The following TC2N variants were observed in gnomAD, a reference collection of about 807,000 sequenced individuals.
TC2N encodes tandem C2 domains, nuclear.
Under a neutral mutation model 61.9 loss-of-function variants are expected in TC2N, and 51 were observed. The observed-to-expected ratio is 0.82, with a 90% CI of 0.66 to 1.04. TC2N has a LOEUF of 1.04. Among genes scored for constraint, TC2N ranks in the 50% least tolerant of loss-of-function variants. The pLI is 0.00. For missense variants in TC2N, 556 were observed against 566.7 expected (o/e 0.98, Z 0.19); for synonymous variants, 204 against 192.6 (o/e 1.06, Z -0.49).
intron 1 of TC2N, among the ~76,000 whole-genome samples, chr14:91,843,610 G>A (rs780240087): frequency 1.6e-4 from 24 of 152,322 alleles, no homozygotes; most frequent in Admixed American, 5.2e-4. Context: ...CCTATCATTT[G>A]TAACTTCTGC....
In TC2N at chr14:91,813,686, G is replaced by A. The variant is rs765031302; in HGVS notation, c.67+17C>T. 3.8e-6 allele frequency: 6 copies of A among 1,558,792 alleles called. No individual in the cohort carries two copies. The highest frequency in any genetic ancestry group is 5.3e-6 in the Non-Finnish European group (6 of 1,131,688). On this transcript the variant is annotated intron_variant, in intron 2 of 11. Transcript: ENST00000435962. ...AAGATGCTACATAAATGTTACTGAA[G>A]TCAAAATAAAACTCACAGTTGTGTT...
At chr14:91,830,363 C>CA (rs1411821938) in intron 1 of TC2N, among the ~76,000 whole-genome samples, 1 of 152,148 alleles carries the variant, frequency 6.6e-6, no homozygotes, top group African/African-American at 2.4e-5. Flanking sequence ...GAATACTATT[C>CA]AACCATAAAA....
In TC2N at chr14:91,848,978, C is replaced by T. The variant is rs1403470231; in HGVS notation, c.-57+18284G>A. Among the ~76,000 whole-genome samples, 4 of 152,310 alleles carry T rather than the reference C, an allele frequency of 2.6e-5. No homozygotes were observed. The East Asian group carries it at 5.8e-4, about 22-fold the overall frequency. On this transcript the variant is annotated intron_variant, in intron 1 of 11. Transcript: ENST00000435962. The stretch of plus-strand genomic sequence containing the variant: ...AAGTAATGAGGATTCCTTAGTTTTA[C>T]TACGTGGCTTTTTCCTGTTTCTACC...
At chr14:91,828,417 GACAATATTGAAGA>G (rs1191996988) in intron 1 of TC2N, among the ~76,000 whole-genome samples, 5 of 151,738 alleles carry the variant, frequency 3.3e-5, no homozygotes, top group Admixed American at 2.0e-4. Context: ...ATCTCTAAAA[GACAATATTGAAGA>G]ACATCTAATA....
At chr14:91,808,114 T>C (rs963534771) in intron 3 of TC2N, among the ~76,000 whole-genome samples, 1 of 152,200 alleles carries the variant, frequency 6.6e-6, no homozygotes. Context: ...TGTGATTCCA[T>C]TAAACCTCTT....
intron 1 of TC2N, among the ~76,000 whole-genome samples, chr14:91,817,075 T>C (rs1178880168): frequency 6.6e-6 from 1 of 151,998 alleles, no homozygotes; most frequent in Non-Finnish European, 1.5e-5. Context: ...ATCAGGATCA[T>C]ATTAAACTTC....
intron 1 of TC2N, among the ~76,000 whole-genome samples, chr14:91,816,870 G>A (rs1412683082): frequency 6.6e-6 from 1 of 151,604 alleles, no homozygotes; most frequent in Non-Finnish European, 1.5e-5. Flanking sequence ...CTCTTCAATT[G>A]TTCTGTCTAT....
intron 4 of TC2N, among the ~76,000 whole-genome samples, chr14:91,801,063 CAT>C (rs200036918): frequency 1.3e-3 from 189 of 146,346 alleles, no homozygotes; most frequent in African/African-American, 4.6e-3. Context: ...TATACACATA[CAT>C]ATATATGTGT....
chr14:91,824,163 T>G (rs1887388155), intron 1 of TC2N, among the ~76,000 whole-genome samples: 1 of 152,164 alleles, frequency 6.6e-6, no homozygotes, highest in Non-Finnish European at 1.5e-5. Flanking sequence ...ACTTAAATAC[T>G]TCCATATCAA....
intron 1 of TC2N, among the ~76,000 whole-genome samples, chr14:91,817,305 AT>A (rs955352891): frequency 6.6e-6 from 1 of 151,758 alleles, no homozygotes; most frequent in African/African-American, 2.4e-5. Context: ...GACTATTTCC[AT>A]TTTTAAAATG....
intron 9 of TC2N, among the ~76,000 whole-genome samples, chr14:91,788,437 A>G (rs558784442): frequency 9.2e-5 from 14 of 152,328 alleles, no homozygotes; most frequent in African/African-American, 3.4e-4. Context: ...CATGTTGAAA[A>G]GAGTAAGAAT....
intron 1 of TC2N, among the ~76,000 whole-genome samples, chr14:91,822,216 T>G (rs1887287128): frequency 6.6e-6 from 1 of 152,188 alleles, no homozygotes; most frequent in African/African-American, 2.4e-5. Flanking sequence ...ATAGCAAATC[T>G]ATTCAAAATA....
At position 91,796,333 on chromosome 14, in the gene TC2N, T is replaced by C. The variant is rs543475651; in HGVS notation, c.855+1452A>G. 2.0e-5 allele frequency among the ~76,000 whole-genome samples: 3 copies of C among 152,182 alleles called. No individual in the cohort carries two copies. The South Asian group carries it at 6.2e-4, about 32-fold the overall frequency. The stretch of plus-strand genomic sequence containing the variant: ...ACACAACCCAATTTTGATCATTGTC[T>C]TTTTCATTTATTAAAAATGTTTTTC... On this transcript the variant is annotated intron_variant, in intron 8 of 11. Coordinates refer to ENST00000435962, the MANE Select transcript of TC2N (RefSeq NM_001128596.3).
chr14:91,798,985 T>C lies in TC2N; in HGVS notation c.637+4A>G. Reference sequence around the variant, plus strand: ...GTATAAAAGTAGGATACTTTATTCCTTACCCAGGCTTCTGTTACTCCCCTG... The same window carrying C: ...GTATAAAAGTAGGATACTTTATTCCCTACCCAGGCTTCTGTTACTCCCCTG... On this transcript the variant is annotated splice_donor_region_variant and intron_variant, in intron 6 of 11. Coordinates refer to ENST00000435962, the MANE Select transcript of TC2N (RefSeq NM_001128596.3). 6.3e-7 allele frequency: 1 copy of C among 1,585,028 alleles called. No homozygotes were observed. The highest frequency in any genetic ancestry group is 8.6e-7 in the Non-Finnish European group (1 of 1,159,284).
At chr14:91,792,797 T>C (rs1026338346) in intron 8 of TC2N, among the ~76,000 whole-genome samples, 2 of 152,192 alleles carry the variant, frequency 1.3e-5, no homozygotes, top group African/African-American at 2.4e-5. Context: ...TCAGGTCATA[T>C]TAACACCATG....
At chr14:91,830,408 T>C (rs186613041) in intron 1 of TC2N, among the ~76,000 whole-genome samples, 18 of 152,316 alleles carry the variant, frequency 1.2e-4, no homozygotes, top group Admixed American at 8.5e-4. Context: ...ACAACACAGA[T>C]AAATCTTGAA....
rs775833803 is a variant in TC2N, at chr14:91,782,794, T to C, written c.*306A>G. On this transcript the variant is annotated 3_prime_UTR_variant, in exon 12 of 12. Coordinates refer to ENST00000435962, the MANE Select transcript of TC2N (RefSeq NM_001128596.3). ...AAAATACAAAAGCGAAAACATAATA[T>C]AGAAAGAACTATCTATGGTTGATAT... 9 of 236,534 alleles carry C rather than the reference T, an allele frequency of 3.8e-5. No individual in the cohort carries two copies. The highest frequency in any genetic ancestry group is 7.3e-5 in the Non-Finnish European group (9 of 123,480). 14.7% of individuals were successfully genotyped at this position (236,534 alleles called of 1,614,324 possible).
At chr14:91,835,924 G>A (rs1392084942) in intron 1 of TC2N, among the ~76,000 whole-genome samples, 2 of 152,226 alleles carry the variant, frequency 1.3e-5, no homozygotes, top group South Asian at 2.1e-4. Flanking sequence ...TCCCCGCCTG[G>A]GCTGGGGTCT....
intron 3 of TC2N, among the ~76,000 whole-genome samples, chr14:91,803,567 C>G (rs1886365763): frequency 6.6e-6 from 1 of 152,098 alleles, no homozygotes; most frequent in African/African-American, 2.4e-5. Context: ...ATTCTCCTGC[C>G]TCAGCCTCCG....
Sources: gnomAD v4.1 joint callset for allele counts (sites outside exome capture counted in the v4.1 genomes callset) on GRCh38, gnomAD v4.1.1 for gene constraint, MANE v1.5 for transcripts, NCBI Gene and HGNC (gene_info 2026-07-23, HGNC 2026-07-21) for gene names.